The following SDK1 variants were observed in gnomAD, a reference collection of about 807,000 sequenced individuals.
The protein encoded by SDK1 is protein sidekick-1.
In SDK1, 157 loss-of-function variants were observed where a neutral mutation model predicts 245.5. That is an observed-to-expected ratio of 0.64 (90% CI 0.56 to 0.73). The LOEUF (loss-of-function observed/expected upper bound fraction) is 0.73. Among genes scored for constraint, SDK1 ranks in the 30% least tolerant of loss-of-function variants. The probability of loss-of-function intolerance (pLI) is 0.00; values close to 1 mark genes in which losing one functional copy is unlikely to be tolerated. For synonymous variants in SDK1, 1,647 were observed against 1,278.5 expected (o/e 1.29, Z -6.15); for missense variants, 3,583 against 3,002.3 (o/e 1.19, Z -4.52).
intron 44 of SDK1, among the ~76,000 whole-genome samples, chr7:4,263,636 G>C (rs78497571): frequency 6.3e-4 from 9 of 14,360 alleles, no homozygotes; most frequent in Non-Finnish European, 8.2e-4. Context: ...CCTCTCCTGA[G>C]TGGGGAGGCC....
At chr7:3,844,101 G>A (rs532296313) in intron 5 of SDK1, among the ~76,000 whole-genome samples, 2 of 152,242 alleles carry the variant, frequency 1.3e-5, no homozygotes, top group East Asian at 3.9e-4. Context: ...TTCTCAAGTA[G>A]CTGGGATTAC....
chr7:3,391,019 A>G (rs914426118), intron 1 of SDK1, among the ~76,000 whole-genome samples: 1 of 152,234 alleles, frequency 6.6e-6, no homozygotes, highest in Admixed American at 6.5e-5. Flanking sequence ...CCAGTTTTGG[A>G]GTTCTGGAAG....
intron 5 of SDK1, among the ~76,000 whole-genome samples, chr7:3,898,702 T>C (rs1314322071): frequency 6.6e-6 from 1 of 152,200 alleles, no homozygotes; most frequent in Non-Finnish European, 1.5e-5. Context: ...AACTTATTAA[T>C]AGAATTTTGG....
chr7:3,372,535 C>G (rs1781253374), intron 1 of SDK1, among the ~76,000 whole-genome samples: 1 of 152,154 alleles, frequency 6.6e-6, no homozygotes. Context: ...CATCTGAGGA[C>G]AATTCAATAC....
chr7:3,759,584 C>CATTATTATT lies in SDK1; in HGVS notation c.714-61844_714-61836dup, dbSNP rs4039584. Among the ~76,000 whole-genome samples the CATTATTATT allele has an allele frequency of 3.8e-3, 561 of 145,886 alleles. 2 individuals carry two copies. Among genetic ancestry groups the CATTATTATT allele is most frequent in the African/African-American group, 9.9e-3 (394 of 39,642 alleles). ...CTGTTTTTTCTTTTTAAATTTTTTT[C>CATTATTATT]ATTATTATTATTATTATTATTATTA... On this transcript the variant is annotated intron_variant, in intron 4 of 44. Transcript: ENST00000404826.
intron 4 of SDK1, among the ~76,000 whole-genome samples, chr7:3,750,522 T>C (rs1779744056): frequency 6.6e-6 from 1 of 151,910 alleles, no homozygotes; most frequent in African/African-American, 2.4e-5. Flanking sequence ...GCGAGAGAGA[T>C]TGAGAGGGAT....
intron 31 of SDK1, among the ~76,000 whole-genome samples, chr7:4,161,493 G>C (rs577580066): frequency 1.3e-5 from 2 of 152,318 alleles, no homozygotes; most frequent in South Asian, 4.1e-4. Context: ...GAGCCAGAGA[G>C]CTCCAGGACA....
chr7:4,092,733 G>A (rs924292107), intron 22 of SDK1, among the ~76,000 whole-genome samples: 8 of 152,146 alleles, frequency 5.3e-5, no homozygotes, highest in Admixed American at 2.6e-4. Context: ...CTGCTGGGGC[G>A]CCGGGAGGAC....
At chr7:4,260,837 C>T (rs1202828669) in intron 44 of SDK1, among the ~76,000 whole-genome samples, 6 of 99,986 alleles carry the variant, frequency 6.0e-5, no homozygotes, top group Admixed American at 2.0e-4. Context: ...GGGGTCTCTG[C>T]ATGTGTGGGA....
intron 4 of SDK1, among the ~76,000 whole-genome samples, chr7:3,754,125 G>A (rs1015349425): frequency 1.3e-5 from 2 of 152,186 alleles, no homozygotes; most frequent in African/African-American, 4.8e-5. Flanking sequence ...ATGTTATGCA[G>A]GCTAATGAAG....
At position 3,694,478 on chromosome 7, in the gene SDK1, A is replaced by G. The variant is rs80232080; in HGVS notation, c.713+52373A>G. On this transcript the variant is annotated intron_variant, in intron 4 of 44. Transcript: ENST00000404826. ...TGGACTTGGCCGTGTACAGAGAAGG[A>G]TGGATTCCAGGTAGTGAAATTAGAA... Among the ~76,000 whole-genome samples, 86 of 152,210 alleles carry G rather than the reference A, an allele frequency of 5.7e-4. No individual in the cohort carries two copies. The East Asian group carries it at 6.6e-3, about 12-fold the overall frequency.
At chr7:3,406,205 A>C (rs899425141) in intron 1 of SDK1, among the ~76,000 whole-genome samples, 5 of 152,200 alleles carry the variant, frequency 3.3e-5, no homozygotes, top group Non-Finnish European at 5.9e-5. Flanking sequence ...TGCATTCAAA[A>C]TGTGAACTCC....
chr7:3,416,183 T>C (rs1269531502), intron 1 of SDK1, among the ~76,000 whole-genome samples: 1 of 152,202 alleles, frequency 6.6e-6, no homozygotes, highest in African/African-American at 2.4e-5. Flanking sequence ...TTTATGGCTT[T>C]GTTGTATCAA....
chr7:3,792,654 C>G (rs910817778), intron 4 of SDK1, among the ~76,000 whole-genome samples: 2 of 151,680 alleles, frequency 1.3e-5, no homozygotes, highest in Non-Finnish European at 2.9e-5. Context: ...ACCTGTCCAT[C>G]CATCCATCTA....
intron 17 of SDK1, among the ~76,000 whole-genome samples, chr7:4,038,840 T>C (rs780648482): frequency 6.6e-6 from 1 of 152,194 alleles, no homozygotes; most frequent in African/African-American, 2.4e-5. Flanking sequence ...GATCAATGCT[T>C]TAGGGAAAGG....
At chr7:3,884,444 C>T (rs1045553863) in intron 5 of SDK1, among the ~76,000 whole-genome samples, 1 of 152,184 alleles carries the variant, frequency 6.6e-6, no homozygotes, top group Non-Finnish European at 1.5e-5. Flanking sequence ...GCACGCCAGG[C>T]CTCTAACGTT....
intron 4 of SDK1, among the ~76,000 whole-genome samples, chr7:3,654,112 G>A (rs1032159646): frequency 2.0e-5 from 3 of 152,208 alleles, no homozygotes; most frequent in African/African-American, 7.2e-5. Flanking sequence ...GGACCCTGGT[G>A]TAGAGAATAT....
rs545987607 is a variant in SDK1, at chr7:3,959,067, C to T, written c.1234+53C>T. ...GAGCCATGACTGGGAGGAAGGGAAA[C>T]AACCTTTTTCCATAGCAGAATTGCC... is the stretch of plus-strand genomic sequence containing the variant. On this transcript the variant is annotated intron_variant, in intron 8 of 44. Coordinates refer to ENST00000404826, the MANE Select transcript of SDK1 (RefSeq NM_152744.4). The T allele has an allele frequency of 6.0e-6, 8 of 1,343,898 alleles. No individual in the cohort carries two copies. In the Admixed American group the frequency reaches 8.4e-5, roughly 14 times the overall value. The allele number at this position is 1,343,898 out of a possible 1,614,324, so 83.2% of individuals were successfully genotyped here.
intron 14 of SDK1, among the ~76,000 whole-genome samples, chr7:4,010,018 G>A (rs1449401206): frequency 2.0e-5 from 3 of 152,240 alleles, no homozygotes; most frequent in African/African-American, 7.2e-5. Context: ...ATGGTGGAAA[G>A]CATGTGCCAC....
Sources: allele counts gnomAD v4.1 joint callset (sites outside exome capture counted in the v4.1 genomes callset), GRCh38; gene constraint gnomAD v4.1.1; transcripts MANE v1.5; gene names NCBI Gene and HGNC (gene_info 2026-07-23, HGNC 2026-07-21).